CDYL: variants seen among roughly 807,000 people sequenced by gnomAD.
CDYL encodes chromodomain Y like.
A neutral mutation model predicts 47.3 loss-of-function variants in CDYL; 8 were observed. The observed-to-expected ratio is 0.17, with a 90% CI of 0.10 to 0.31. The LOEUF is 0.31. Among genes scored for constraint, CDYL ranks in the 10% least tolerant of loss-of-function variants. The pLI is 1.00. For missense variants in CDYL, 471 were observed against 701.4 expected, an observed-to-expected ratio of 0.67 and a Z score of 3.71; for synonymous variants, 266 against 265.0, an observed-to-expected ratio of 1.00 and a Z score of -0.04.
At chr6:4,884,465 C>CA (rs1411362131) in intron 1 of CDYL, among the ~76,000 whole-genome samples, 3 of 152,124 alleles carry the variant, frequency 2.0e-5, no homozygotes, top group Non-Finnish European at 4.4e-5. Context: ...AGTGGATACT[C>CA]AGAGGGAAAT....
At chr6:4,852,290 T>A (rs1464271148) in intron 1 of CDYL, among the ~76,000 whole-genome samples, 1 of 152,154 alleles carries the variant, frequency 6.6e-6, no homozygotes, top group East Asian at 1.9e-4. Flanking sequence ...CAAATGATGA[T>A]TCCTCCTAAA....
At chr6:4,877,238 G>C (rs982677626) in intron 1 of CDYL, among the ~76,000 whole-genome samples, 1 of 152,146 alleles carries the variant, frequency 6.6e-6, no homozygotes, top group African/African-American at 2.4e-5. Flanking sequence ...TCTATGGCTT[G>C]TTTGTACATC....
intron 2 of CDYL, among the ~76,000 whole-genome samples, chr6:4,905,382 T>C (rs959282302): frequency 6.6e-6 from 1 of 152,148 alleles, no homozygotes; most frequent in Admixed American, 6.5e-5. Context: ...CTGCCTCTCC[T>C]CCCACGAGAC....
chr6:4,952,473 C>A, intron 6 of CDYL, 64 bp downstream of exon 6: 1 of 1,539,720 alleles, frequency 6.5e-7, no homozygotes. Context: ...CCTCAGAGAG[C>A]TCACAAATTT....
At chr6:4,748,140 TG>T (rs1301001725) in intron 3 of CDYL, among the ~76,000 whole-genome samples, 1 of 152,220 alleles carries the variant, frequency 6.6e-6, no homozygotes, top group Non-Finnish European at 1.5e-5. Context: ...TTTGCTATGT[TG>T]ACCTCTTGCT....
chr6:4,820,587 C>T (rs113806904), intron 1 of CDYL, among the ~76,000 whole-genome samples: 81 of 152,308 alleles, frequency 5.3e-4, no homozygotes, highest in Non-Finnish European at 9.1e-4. Flanking sequence ...ATCTTCACCA[C>T]AGCCCTCTCA....
chr6:4,888,104 G>A (rs774217466), intron 1 of CDYL, among the ~76,000 whole-genome samples: 2 of 152,008 alleles, frequency 1.3e-5, no homozygotes, highest in Admixed American at 6.6e-5. Flanking sequence ...ATGTTTTGTT[G>A]AGGATTTTTG....
At chr6:4,748,682 A>ACACACAG (rs1248295380) in intron 3 of CDYL, among the ~76,000 whole-genome samples, 1 of 66,540 alleles carries the variant, frequency 1.5e-5, no homozygotes, top group African/African-American at 4.4e-5. Flanking sequence ...CACACACACA[A>ACACACAG]ACAAATTTTA....
chr6:4,788,590 C>A (rs1319228912), intron 1 of CDYL, among the ~76,000 whole-genome samples: 1 of 151,708 alleles, frequency 6.6e-6, no homozygotes, highest in Non-Finnish European at 1.5e-5. Flanking sequence ...TAAGGACGTC[C>A]CTAGGCCCTG....
chr6:4,903,791 A>G (rs938936489), intron 2 of CDYL, among the ~76,000 whole-genome samples: 1 of 152,216 alleles, frequency 6.6e-6, no homozygotes, highest in Non-Finnish European at 1.5e-5. Flanking sequence ...TTCCTGAAAC[A>G]CATTTTCCTC....
chr6:4,803,429 A>G (rs1023721736), intron 1 of CDYL, among the ~76,000 whole-genome samples: 1 of 152,206 alleles, frequency 6.6e-6, no homozygotes, highest in African/African-American at 2.4e-5. Context: ...TGCTGTCCCC[A>G]TTCTCCTCCA....
At chr6:4,731,646 A>G (rs923541649) in intron 2 of CDYL, among the ~76,000 whole-genome samples, 1 of 152,154 alleles carries the variant, frequency 6.6e-6, no homozygotes, top group African/African-American at 2.4e-5. Context: ...TAAAAATACA[A>G]TAATTAGCCA....
intron 2 of CDYL, among the ~76,000 whole-genome samples, chr6:4,917,219 A>C (rs1168847933): frequency 6.6e-6 from 1 of 152,156 alleles, no homozygotes; most frequent in Non-Finnish European, 1.5e-5. Context: ...GGAGAAATTT[A>C]TCTTAGATCT....
At chr6:4,755,057 T>C (rs1167267874) in intron 3 of CDYL, among the ~76,000 whole-genome samples, 1 of 151,836 alleles carries the variant, frequency 6.6e-6, no homozygotes, top group African/African-American at 2.4e-5. Context: ...TTGTTTTTTG[T>C]TTTGTTTTGT....
intron 1 of CDYL, among the ~76,000 whole-genome samples, chr6:4,871,477 T>C (rs1300823633): frequency 2.0e-5 from 3 of 152,180 alleles, no homozygotes; most frequent in Non-Finnish European, 4.4e-5. Flanking sequence ...TGATGTGTCA[T>C]AGGGGTTCAA....
upstream of CDYL, among the ~76,000 whole-genome samples, chr6:4,776,254 A>G (rs1324482375): frequency 4.1e-4 from 56 of 136,868 alleles, no homozygotes; most frequent in African/African-American, 1.4e-3. Context: ...CTCGGCCCCG[A>G]GCGGAGCCCA....
At chr6:4,731,599 C>T (rs1444879430) in intron 2 of CDYL, among the ~76,000 whole-genome samples, 3 of 152,020 alleles carry the variant, frequency 2.0e-5, no homozygotes, top group Non-Finnish European at 4.4e-5. Flanking sequence ...GAGTTCGAGA[C>T]CAGCGCCTGG....
chr6:4,889,875 G>A, intron 1 of CDYL: 9 of 692,862 alleles, frequency 1.3e-5, no homozygotes, highest in Non-Finnish European at 1.6e-5. Context: ...AGCTGCGGAG[G>A]CTACTGTTGC....
chr6:4,773,415 C>T (rs1252333663), upstream of CDYL, among the ~76,000 whole-genome samples: 6 of 152,118 alleles, frequency 3.9e-5, no homozygotes, highest in African/African-American at 1.4e-4. The surrounding 1 kb of genome is among the most constrained non-coding windows in gnomAD (Gnocchi z 4.6). Context: ...AACTACAGAA[C>T]TTCACTGTTT....
Sources: allele counts gnomAD v4.1 joint callset (sites outside exome capture counted in the v4.1 genomes callset), GRCh38; gene constraint gnomAD v4.1.1; non-coding constraint Gnocchi (gnomAD v3.1); transcripts MANE v1.5; gene names NCBI Gene and HGNC (gene_info 2026-07-23, HGNC 2026-07-21).